SORCS2: variants seen among roughly 807,000 people sequenced by gnomAD.
The protein encoded by SORCS2 is sortilin related VPS10 domain containing receptor 2, also known as VPS10 domain-containing receptor SorCS2.
In SORCS2, 100 loss-of-function variants were observed where a neutral mutation model predicts 141.6. That is an observed-to-expected ratio of 0.71 (90% confidence interval 0.60 to 0.83). The LOEUF (loss-of-function observed/expected upper bound fraction) is 0.83. Among genes scored for constraint, SORCS2 ranks in the 40% least tolerant of loss-of-function variants. The pLI is 0.00. For missense variants in SORCS2, 1,646 were observed against 1,560.2 expected, an observed-to-expected ratio of 1.05 and a Z score of -0.93; for synonymous variants, 789 against 676.9, an observed-to-expected ratio of 1.17 and a Z score of -2.57.
At chr4:7,419,838 T>C (rs1292308614) in intron 2 of SORCS2, among the ~76,000 whole-genome samples, 1 of 152,202 alleles carries the variant, frequency 6.6e-6, no homozygotes, top group East Asian at 1.9e-4. Context: ...GGCTTGCTGC[T>C]GTAGCAAACA....
chr4:7,687,852 C>T (rs890953686), intron 10 of SORCS2, among the ~76,000 whole-genome samples: 45 of 152,174 alleles, frequency 3.0e-4, no homozygotes, highest in African/African-American at 1.1e-3. Flanking sequence ...AAAAGGAAGG[C>T]CCCGATCCTT....
chr4:7,490,278 G>T (rs537714680), intron 2 of SORCS2, among the ~76,000 whole-genome samples: 4 of 152,150 alleles, frequency 2.6e-5, no homozygotes, highest in East Asian at 3.9e-4. Flanking sequence ...ACTCGGCCTG[G>T]GGGGAGCTCA....
intron 2 of SORCS2, among the ~76,000 whole-genome samples, chr4:7,517,535 C>T (rs1293308456): frequency 2.6e-5 from 4 of 152,112 alleles, no homozygotes; most frequent in Admixed American, 6.5e-5. Flanking sequence ...AACAGTGCCT[C>T]GAAAAATCAG....
intron 14 of SORCS2, among the ~76,000 whole-genome samples, chr4:7,712,277 G>A (rs377683512): frequency 6.6e-6 from 1 of 152,192 alleles, no homozygotes; most frequent in Non-Finnish European, 1.5e-5. Flanking sequence ...TCTGCAGCAC[G>A]GAACCCTCAC....
chr4:7,711,079 T>C (rs757243), intron 14 of SORCS2, among the ~76,000 whole-genome samples: 143,331 of 152,238 alleles, frequency 0.94, 67,545 homozygotes, highest in East Asian at 1. Context: ...GCAGGGTCCC[T>C]GGGGGGAAGG....
chr4:7,294,070 GA>G, intron 1 of SORCS2, among the ~76,000 whole-genome samples: 1 of 152,216 alleles, frequency 6.6e-6, no homozygotes, highest in East Asian at 1.9e-4. Flanking sequence ...GGTCAGGTAT[GA>G]CTGAAGCCAA....
chr4:7,462,747 T>G (rs1037950481), intron 2 of SORCS2, among the ~76,000 whole-genome samples: 2 of 151,606 alleles, frequency 1.3e-5, no homozygotes, highest in Non-Finnish European at 2.9e-5. Flanking sequence ...CCCCAGCCCC[T>G]GTGCACGGAA....
Position 7,737,186 on chromosome 4 carries a change from AGAT to A in SORCS2, c.3415+21_3415+23del, listed in dbSNP as rs942742057. 2.6e-6 allele frequency: 4 copies of A among 1,550,792 alleles called. No individual in the cohort carries two copies. In the African/African-American group the frequency reaches 5.5e-5, roughly 21 times the overall value. ...GCGCTGTCCAGGGTGAGGAGTTTATAGATGATGATCTCGACTCGCAGACTCTAG... is the reference window on the plus strand; with the variant it reads ...GCGCTGTCCAGGGTGAGGAGTTTATAGATGATCTCGACTCGCAGACTCTAG... On this transcript the variant is annotated intron_variant, in intron 26 of 26. Coordinates refer to ENST00000507866, the MANE Select transcript of SORCS2 (RefSeq NM_020777.3).
At chr4:7,652,419 C>T (rs973650369) in intron 4 of SORCS2, among the ~76,000 whole-genome samples, 4 of 152,156 alleles carry the variant, frequency 2.6e-5, no homozygotes, top group African/African-American at 7.2e-5. Flanking sequence ...CCCTTCCCTT[C>T]TCCCCAGGCC....
chr4:7,475,300 T>C (rs975451766), intron 2 of SORCS2, among the ~76,000 whole-genome samples: 1 of 151,928 alleles, frequency 6.6e-6, no homozygotes, highest in African/African-American at 2.4e-5. Flanking sequence ...TATGGAGAGC[T>C]GGTCATGGTG....
chr4:7,227,708 C>T (rs1188268064), intron 1 of SORCS2, among the ~76,000 whole-genome samples: 2 of 152,194 alleles, frequency 1.3e-5, no homozygotes, highest in African/African-American at 4.8e-5. Context: ...CGCCTTTCAC[C>T]CCTCTCTCCT....
chr4:7,712,777 A>C lies in SORCS2; in HGVS notation c.1913A>C (p.Lys638Thr), dbSNP rs1009720639. 5 of 1,613,892 alleles carry C rather than the reference A, an allele frequency of 3.1e-6. No individual in the cohort carries two copies. Among genetic ancestry groups the C allele is most frequent in the Non-Finnish European group, 8.5e-7 (1 of 1,179,780 alleles). Residue 638 changes from lysine to threonine, a missense_variant, in exon 15 of 27, where the codon AAG becomes ACG. Lys to Thr is a moderately conservative substitution (Grantham distance 78). Coordinates refer to ENST00000507866, the MANE Select transcript of SORCS2 (RefSeq NM_020777.3). ...ISFRSDWELV[K>T]VDFRPSFSRQ... ...TTCCGCTCCGATTGGGAGCTGGTCA[A>C]GGTGGACTTCCGGCCCTCATTCTCC...
chr4:7,641,053 A>T (rs1422875066), intron 4 of SORCS2, among the ~76,000 whole-genome samples: 1 of 152,152 alleles, frequency 6.6e-6, no homozygotes, highest in Non-Finnish European at 1.5e-5. Flanking sequence ...GAAGGCAAAC[A>T]CAAGCTGCCC....
chr4:7,583,406 G>A (rs1477925538), intron 3 of SORCS2, among the ~76,000 whole-genome samples: 3 of 152,034 alleles, frequency 2.0e-5, no homozygotes, highest in Non-Finnish European at 4.4e-5. Context: ...TCAACTTACC[G>A]AAGTCATACC....
chr4:7,292,386 G>A (rs1267238070), intron 1 of SORCS2, among the ~76,000 whole-genome samples: 5 of 152,152 alleles, frequency 3.3e-5, no homozygotes, highest in African/African-American at 1.2e-4. Context: ...TTGAGTGCTC[G>A]GGAGATAAGA....
chr4:7,555,730 A>T (rs377763082), intron 3 of SORCS2, among the ~76,000 whole-genome samples: 2 of 152,228 alleles, frequency 1.3e-5, no homozygotes, highest in East Asian at 1.9e-4. Context: ...TTGCTCTAGA[A>T]GGGGATCATG....
chr4:7,373,371 GTTTTC>G (rs1244645420), intron 1 of SORCS2, among the ~76,000 whole-genome samples: 1 of 142,978 alleles, frequency 7.0e-6, no homozygotes, highest in African/African-American at 2.7e-5. Flanking sequence ...CCACCCATCT[GTTTTC>G]TTTGGTAAAG....
chr4:7,654,651 C>T (rs759153048), intron 5 of SORCS2, among the ~76,000 whole-genome samples: 4 of 152,158 alleles, frequency 2.6e-5, no homozygotes, highest in Non-Finnish European at 5.9e-5. Context: ...TGACAGACCC[C>T]GTGGGTGCCG....
intron 2 of SORCS2, among the ~76,000 whole-genome samples, chr4:7,529,428 C>T (rs1733885345): frequency 6.6e-6 from 1 of 152,198 alleles, no homozygotes; most frequent in Non-Finnish European, 1.5e-5. Context: ...AGAGCAGGGG[C>T]TTTGCTCATG....
Sources: allele counts gnomAD v4.1 joint callset (sites outside exome capture counted in the v4.1 genomes callset), GRCh38; gene constraint gnomAD v4.1.1; transcripts MANE v1.5; gene names NCBI Gene and HGNC (gene_info 2026-07-23, HGNC 2026-07-21).